ESRRG: variants seen among roughly 807,000 people sequenced by gnomAD.
The protein encoded by ESRRG is estrogen-related receptor gamma.
In ESRRG, 13 loss-of-function variants were observed where a neutral mutation model predicts 44.0. That is an observed-to-expected ratio of 0.30 (90% CI 0.19 to 0.47). ESRRG has a LOEUF of 0.47. Ranked by LOEUF, ESRRG falls within the 20% of genes least tolerant of loss-of-function variation. ESRRG has a pLI of 1.00. For missense variants in ESRRG, 395 were observed against 580.6 expected (o/e 0.68, Z 3.29); for synonymous variants, 215 against 214.6 (o/e 1.00, Z -0.02).
chr1:217,038,302 G>A (rs1054033728), intron 1 of ESRRG, among the ~76,000 whole-genome samples: 2 of 152,218 alleles, frequency 1.3e-5, no homozygotes, highest in African/African-American at 4.8e-5. Context: ...TACCTCCTAT[G>A]AAATCTAGGG....
intron 3 of ESRRG, among the ~76,000 whole-genome samples, chr1:216,625,026 A>G (rs1418178096): frequency 1.3e-5 from 2 of 151,996 alleles, no homozygotes; most frequent in African/African-American, 4.8e-5. Flanking sequence ...CTCACCAAAT[A>G]TCTCAATTCT....
chr1:217,057,140 T>A (rs2087287714), intron 1 of ESRRG, among the ~76,000 whole-genome samples: 1 of 152,096 alleles, frequency 6.6e-6, no homozygotes, highest in South Asian at 2.1e-4. Context: ...ATTTGAGCCA[T>A]ATGGAACAAG....
At chr1:216,788,048 A>G (rs543955612) in intron 2 of ESRRG, among the ~76,000 whole-genome samples, 37 of 152,314 alleles carry the variant, frequency 2.4e-4, no homozygotes, top group African/African-American at 7.9e-4. Context: ...ATGAAGTTCA[A>G]AGAAAGAAGT....
chr1:217,094,395 A>T (rs1445958598), upstream of ESRRG, among the ~76,000 whole-genome samples: 1 of 152,240 alleles, frequency 6.6e-6, no homozygotes, highest in East Asian at 1.9e-4. Context: ...ACAGAGGTCT[A>T]CAGAGACTTG....
chr1:216,513,251 C>T (rs897828283), intron 6 of ESRRG, among the ~76,000 whole-genome samples: 13 of 152,010 alleles, frequency 8.6e-5, no homozygotes, highest in African/African-American at 3.1e-4. Context: ...TGGATGGTCT[C>T]TTCTAGAAAG....
chr1:216,508,359 G>A (rs993830495), intron 6 of ESRRG, among the ~76,000 whole-genome samples: 67 of 152,152 alleles, frequency 4.4e-4, no homozygotes, highest in African/African-American at 1.4e-3. Flanking sequence ...TATCACTGGT[G>A]AACTGACCAC....
chr1:216,920,125 G>A (rs1227387113), intron 2 of ESRRG, among the ~76,000 whole-genome samples: 1 of 152,186 alleles, frequency 6.6e-6, no homozygotes, highest in African/African-American at 2.4e-5. Context: ...AGGTTGAAAT[G>A]CAAAGTTATT....
intron 1 of ESRRG, among the ~76,000 whole-genome samples, chr1:217,114,211 G>A (rs1453644737): frequency 1.3e-5 from 2 of 151,736 alleles, no homozygotes; most frequent in Non-Finnish European, 2.9e-5. Flanking sequence ...AAAAAATTCT[G>A]GTGAGTGATA....
At chr1:216,879,612 C>T (rs2096411694) in intron 2 of ESRRG, among the ~76,000 whole-genome samples, 1 of 151,896 alleles carries the variant, frequency 6.6e-6, no homozygotes, top group Admixed American at 6.6e-5. Context: ...TGTTTCATTT[C>T]TCTTCTTCTT....
chr1:216,532,779 T>C (rs1225421926), intron 5 of ESRRG, among the ~76,000 whole-genome samples: 2 of 152,194 alleles, frequency 1.3e-5, no homozygotes, highest in African/African-American at 2.4e-5. Flanking sequence ...AGTTTTAGTC[T>C]CCCATGAAAT....
intron 1 of ESRRG, among the ~76,000 whole-genome samples, chr1:217,082,666 C>CAA (rs2091846104): frequency 4.0e-5 from 6 of 151,214 alleles, no homozygotes; most frequent in Non-Finnish European, 8.8e-5. Context: ...CTCACCCCCA[C>CAA]CCCACACACA....
intron 3 of ESRRG, among the ~76,000 whole-genome samples, chr1:216,585,299 A>C (rs1480919188): frequency 1.3e-5 from 2 of 152,202 alleles, no homozygotes; most frequent in East Asian, 3.8e-4. Context: ...TAAACTGCCA[A>C]CATCCTCTTA....
intron 1 of ESRRG, among the ~76,000 whole-genome samples, chr1:217,069,284 G>A (rs771911646): frequency 6.6e-6 from 1 of 152,118 alleles, no homozygotes; most frequent in African/African-American, 2.4e-5. Context: ...TCAATTTTGG[G>A]ACTGGAACTG....
chr1:216,951,972 C>T (rs2067041184), intron 1 of ESRRG, among the ~76,000 whole-genome samples: 1 of 151,838 alleles, frequency 6.6e-6, no homozygotes, highest in South Asian at 2.1e-4. Flanking sequence ...AAACACACAT[C>T]CTGAATTCCT....
intron 1 of ESRRG, among the ~76,000 whole-genome samples, chr1:216,947,106 C>T (rs956001411): frequency 6.6e-6 from 1 of 152,106 alleles, no homozygotes; most frequent in Non-Finnish European, 1.5e-5. Flanking sequence ...CCATTATCCA[C>T]TTCATCTCCA....
chr1:216,531,444 C>T (rs992244498), intron 5 of ESRRG, among the ~76,000 whole-genome samples: 5 of 152,000 alleles, frequency 3.3e-5, no homozygotes, highest in African/African-American at 4.8e-5. Flanking sequence ...GCTTGGCATA[C>T]GTTCCACTGG....
chr1:217,109,178 G>A (rs969233693), intron 1 of ESRRG, among the ~76,000 whole-genome samples: 1 of 151,918 alleles, frequency 6.6e-6, no homozygotes, highest in Non-Finnish European at 1.5e-5. Context: ...AAGATGCTCA[G>A]GTATAAACCA....
chr1:216,745,473 G>A (rs1345637445), intron 2 of ESRRG, among the ~76,000 whole-genome samples: 1 of 152,178 alleles, frequency 6.6e-6, no homozygotes, highest in African/African-American at 2.4e-5. Flanking sequence ...TTACAGGCAT[G>A]AGCCACCATG....
intron 1 of ESRRG, among the ~76,000 whole-genome samples, chr1:217,069,446 T>C (rs1053501919): frequency 1.3e-5 from 2 of 150,994 alleles, no homozygotes; most frequent in African/African-American, 4.9e-5. Flanking sequence ...TATATACATA[T>C]ATATAGATAG....
Sources: allele counts gnomAD v4.1 joint callset (sites outside exome capture counted in the v4.1 genomes callset), GRCh38; gene constraint gnomAD v4.1.1; transcripts MANE v1.5; gene names NCBI Gene and HGNC (gene_info 2026-07-23, HGNC 2026-07-21).